MCC: variants seen among roughly 807,000 people sequenced by gnomAD.
MCC encodes the protein colorectal mutant cancer protein.
Under a neutral mutation model 116.2 loss-of-function variants are expected in MCC, and 90 were observed. The ratio of observed to expected loss-of-function variants is 0.77; its 90% CI spans 0.65 to 0.92. The LOEUF is 0.92. Among genes scored for constraint, MCC ranks in the 40% least tolerant of loss-of-function variants. The probability of loss-of-function intolerance (pLI) is 0.00; values close to 1 mark genes in which losing one functional copy is unlikely to be tolerated. For missense variants in MCC, 1,516 were observed against 1,312.2 expected, an observed-to-expected ratio of 1.16 and a Z score of -2.40; for synonymous variants, 578 against 510.5, an observed-to-expected ratio of 1.13 and a Z score of -1.78.
At chr5:113,457,891 G>A (rs1771620570) in intron 1 of MCC, among the ~76,000 whole-genome samples, 1 of 152,014 alleles carries the variant, frequency 6.6e-6, no homozygotes, top group African/African-American at 2.4e-5. Flanking sequence ...CTAGCTCAGG[G>A]TTTGTGAATG....
intron 5 of MCC, among the ~76,000 whole-genome samples, chr5:113,140,606 G>C (rs978297107): frequency 6.6e-6 from 1 of 152,206 alleles, no homozygotes; most frequent in Non-Finnish European, 1.5e-5. Flanking sequence ...ACCTGAGATA[G>C]AAAACTATGA....
chr5:113,250,019 A>C (rs1161321213), intron 3 of MCC, among the ~76,000 whole-genome samples: 1 of 152,254 alleles, frequency 6.6e-6, no homozygotes, highest in Non-Finnish European at 1.5e-5. Context: ...CCACCAAATA[A>C]GAAGAAACAT....
chr5:113,245,883 T>A (rs927887999), intron 3 of MCC, among the ~76,000 whole-genome samples: 1 of 152,192 alleles, frequency 6.6e-6, no homozygotes, highest in Non-Finnish European at 1.5e-5. Flanking sequence ...GCCAACAATG[T>A]AATCAACATC....
At chr5:113,435,258 C>G in intron 1 of MCC, 1 of 177,236 alleles carries the variant, frequency 5.6e-6, no homozygotes, top group African/African-American at 2.3e-5. Context: ...CCAATTCTTG[C>G]AAACCAGGGC....
chr5:113,272,498 C>T (rs972312485), intron 3 of MCC, among the ~76,000 whole-genome samples: 1 of 152,108 alleles, frequency 6.6e-6, no homozygotes, highest in African/African-American at 2.4e-5. Flanking sequence ...TAAAATTGGG[C>T]TCTACTGTGC....
intron 3 of MCC, among the ~76,000 whole-genome samples, chr5:113,312,276 GAA>G (rs563209328): frequency 6.9e-5 from 10 of 145,546 alleles, no homozygotes; most frequent in African/African-American, 2.3e-4. Flanking sequence ...AACTCTGTCT[GAA>G]AAAAAAAAAC....
chr5:113,417,107 C>T (rs1053412830), intron 1 of MCC, among the ~76,000 whole-genome samples: 1 of 151,728 alleles, frequency 6.6e-6, no homozygotes, highest in African/African-American at 2.4e-5. Flanking sequence ...GTAGCTGGGA[C>T]TACAGACGCA....
rs140894572 is a variant in MCC at position 113,147,687 on chromosome 5, G to A, written c.741+3622C>T. 1.9e-3 allele frequency among the ~76,000 whole-genome samples: 289 copies of A among 152,224 alleles called. 1 individual carries two copies. Among genetic ancestry groups the A allele is most frequent in the African/African-American group, 6.0e-3 (251 of 41,540 alleles). ...TCTAAGTTCTTGCCCAGGTTCGCTC[G>A]CTAAGGGGAAAGTGGACCAGCTAAA... On this transcript the variant is annotated intron_variant, in intron 4 of 18. Coordinates refer to ENST00000408903, the MANE Select transcript of MCC (RefSeq NM_001085377.2).
chr5:113,424,412 A>C lies in MCC; in HGVS notation c.171-39200T>G, dbSNP rs191084889. The stretch of plus-strand genomic sequence containing the variant: ...ACATAATTTTCACAGAACAATAATA[A>C]GTTTTAAAAAAGAACACTCAGTCCA... On this transcript the variant is annotated intron_variant, in intron 1 of 18. Transcript: ENST00000408903. Among the ~76,000 whole-genome samples the C allele has an allele frequency of 2.0e-3, 298 of 152,272 alleles. 6 individuals carry two copies. In the East Asian group the frequency reaches 0.02, roughly 10 times the overall value.
At chr5:113,056,284 ATT>A (rs1336412960) in intron 14 of MCC, among the ~76,000 whole-genome samples, 1 of 152,232 alleles carries the variant, frequency 6.6e-6, no homozygotes, top group African/African-American at 2.4e-5. Context: ...ATGAGGTAAA[ATT>A]AGAAGTGTTT....
chr5:113,106,624 A>G (rs865905583), intron 6 of MCC, among the ~76,000 whole-genome samples: 1 of 152,092 alleles, frequency 6.6e-6, no homozygotes, highest in East Asian at 1.9e-4. Context: ...CAGGGGTACA[A>G]TCCTAGCTCA....
In MCC at chr5:113,154,800, G is replaced by A. The variant is rs1160781541; in HGVS notation, c.628-3378C>T. 2.6e-5 allele frequency among the ~76,000 whole-genome samples: 4 copies of A among 152,176 alleles called. No homozygotes were observed. The East Asian group carries it at 7.7e-4, about 29-fold the overall frequency. On this transcript the variant is annotated intron_variant, in intron 3 of 18. Coordinates refer to ENST00000408903, the MANE Select transcript of MCC (RefSeq NM_001085377.2). ...ATTTATACATATTTATGGGGTACAT[G>A]TGATATTTTGATGCATGCATACAAT... is the stretch of plus-strand genomic sequence containing the variant.
chr5:113,050,408 G>A (rs755155592), intron 15 of MCC, among the ~76,000 whole-genome samples: 9 of 152,278 alleles, frequency 5.9e-5, no homozygotes, highest in Admixed American at 1.3e-4. Flanking sequence ...TCACCCTTCT[G>A]AGGTAATAAA....
intron 2 of MCC, among the ~76,000 whole-genome samples, chr5:113,368,700 C>T (rs968765093): frequency 2.6e-5 from 4 of 152,000 alleles, no homozygotes; most frequent in African/African-American, 7.3e-5. Flanking sequence ...GGGATGTTTC[C>T]CCACCAACAA....
chr5:113,392,781 A>G (rs1769431838), intron 1 of MCC, among the ~76,000 whole-genome samples: 1 of 152,188 alleles, frequency 6.6e-6, no homozygotes, highest in Admixed American at 6.5e-5. Flanking sequence ...TGAGGTTGGT[A>G]CCATTATTAT....
rs368292433 is a variant in MCC at position 113,340,499 on chromosome 5, A to G, written c.627+20T>C. The G allele has an allele frequency of 6.2e-7, 1 of 1,609,924 alleles. No homozygotes were observed. Among genetic ancestry groups the G allele is most frequent in the African/African-American group, 1.3e-5 (1 of 74,956 alleles). On this transcript the variant is annotated intron_variant, in intron 3 of 18. Coordinates refer to ENST00000408903, the MANE Select transcript of MCC (RefSeq NM_001085377.2). ...ACAGACAGGCCGAAATATGTATTCC[A>G]TGAACCAAAAAGTACTCACTGTGTT...
intron 17 of MCC, among the ~76,000 whole-genome samples, chr5:113,042,009 C>CA (rs1237000462): frequency 6.6e-6 from 1 of 151,042 alleles, no homozygotes; most frequent in Non-Finnish European, 1.5e-5. Flanking sequence ...AAAACAAAAA[C>CA]AAAACCTCTC....
chr5:113,463,225 T>TG (rs1293319340), intron 1 of MCC, among the ~76,000 whole-genome samples: 1 of 152,138 alleles, frequency 6.6e-6, no homozygotes, highest in African/African-American at 2.4e-5. Flanking sequence ...GAAGCCTTTT[T>TG]GGCCCTGCAT....
At chr5:113,311,260 C>T (rs9326882) in intron 3 of MCC, among the ~76,000 whole-genome samples, 13,268 of 152,264 alleles carry the variant, frequency 0.087, 1,361 homozygotes, top group African/African-American at 0.25. Flanking sequence ...TTGTAGTACC[C>T]TCCCACTCTG....
Sources: allele counts gnomAD v4.1 joint callset (sites outside exome capture counted in the v4.1 genomes callset), GRCh38; gene constraint gnomAD v4.1.1; transcripts MANE v1.5; gene names NCBI Gene and HGNC (gene_info 2026-07-23, HGNC 2026-07-21).